Variants in ADAD1 observed in about 807,000 individuals in gnomAD.
ADAD1 encodes the protein adenosine deaminase domain-containing protein 1.
ADAD1 carries 46 observed loss-of-function variants against 66.8 expected under a neutral mutation model. The ratio of observed to expected loss-of-function variants is 0.69; its 90% confidence interval spans 0.54 to 0.88. ADAD1 has a LOEUF of 0.88. ADAD1 is among the 40% of genes least tolerant of loss of function. ADAD1 has a pLI of 0.00. For missense variants in ADAD1, 617 were observed against 681.8 expected, an observed-to-expected ratio of 0.91 and a Z score of 1.06; for synonymous variants, 248 against 229.4, an observed-to-expected ratio of 1.08 and a Z score of -0.73.
chr4:122,421,897 G>GT (rs950833555), intron 12 of ADAD1, among the ~76,000 whole-genome samples: 2 of 151,730 alleles, frequency 1.3e-5, no homozygotes, highest in African/African-American at 4.8e-5. Flanking sequence ...GTAAGTTTAA[G>GT]TCAAAAATTT....
intron 10 of ADAD1, among the ~76,000 whole-genome samples, chr4:122,415,051 A>C (rs1055365638): frequency 6.6e-6 from 1 of 152,150 alleles, no homozygotes; most frequent in Non-Finnish European, 1.5e-5. Context: ...AATGCGGTCA[A>C]CAAATCTGGA....
At chr4:122,379,203 C>G (rs1222990812) in intron 1 of ADAD1, 88 bp downstream of exon 1, 1 of 152,340 alleles carries the variant, frequency 6.6e-6, no homozygotes, top group Non-Finnish European at 1.5e-5. Flanking sequence ...CTACAGTGCT[C>G]TGTCAGGGCT....
At chr4:122,413,511 T>G (rs1266595721) in intron 10 of ADAD1, among the ~76,000 whole-genome samples, 1 of 152,074 alleles carries the variant, frequency 6.6e-6, no homozygotes, top group Non-Finnish European at 1.5e-5. Context: ...ATCTTGCAAA[T>G]TTGGTAACCC....
intron 7 of ADAD1, among the ~76,000 whole-genome samples, chr4:122,403,737 G>T (rs1367393389): frequency 1.3e-5 from 2 of 152,130 alleles, no homozygotes; most frequent in African/African-American, 2.4e-5. Flanking sequence ...AGTGGATGGG[G>T]CTGTAGAGCT....
intron 8 of ADAD1, among the ~76,000 whole-genome samples, chr4:122,409,033 G>A (rs73846647): frequency 0.039 from 5,868 of 152,252 alleles, 367 homozygotes; most frequent in African/African-American, 0.13. Context: ...TCCAAGGACA[G>A]CACCAGAAAC....
intron 12 of ADAD1, among the ~76,000 whole-genome samples, chr4:122,424,486 G>T (rs973939904): frequency 2.0e-5 from 3 of 152,120 alleles, no homozygotes; most frequent in African/African-American, 2.4e-5. Context: ...TAAAGTTGCT[G>T]TTTTACCATA....
intron 12 of ADAD1, among the ~76,000 whole-genome samples, chr4:122,427,247 G>A (rs6854230): frequency 0.25 from 37,716 of 151,558 alleles, 5,680 homozygotes; most frequent in Middle Eastern, 0.52. Flanking sequence ...GTGTACATTT[G>A]TGTGTGTGTG....
chr4:122,411,529 G>C, intron 9 of ADAD1, 137 bp downstream of exon 9: 1 of 825,302 alleles, frequency 1.2e-6, no homozygotes. Context: ...TTTGTGGCCT[G>C]CAGGAGACCC....
Position 122,380,085 on chromosome 4 carries a change from CAT to C in ADAD1, c.17_18del (p.His6LeufsTer53). 1 of 1,612,326 alleles carries C rather than the reference CAT, an allele frequency of 6.2e-7. No individual in the cohort carries two copies. The highest frequency in any genetic ancestry group is 8.5e-7 in the Non-Finnish European group (1 of 1,179,456). On this transcript the variant is annotated frameshift_variant, in exon 3 of 13. Coordinates refer to ENST00000296513, the MANE Select transcript of ADAD1 (RefSeq NM_139243.4). LOFTEE classifies it high-confidence loss of function. MASNN[H>X]WFQSSQVPSF... is the part of the protein sequence containing the mutation. The stretch of plus-strand genomic sequence containing the variant: ...AGGTGAGAAAATGGCTAGCAACAAT[CAT>C]TGGTTTCAGAGTTCGCAGGTCCCCA...
intron 5 of ADAD1, among the ~76,000 whole-genome samples, chr4:122,384,538 T>A (rs1457277506): frequency 6.6e-6 from 1 of 152,182 alleles, no homozygotes; most frequent in African/African-American, 2.4e-5. Context: ...AGATAAACAA[T>A]GCATGCAAAG....
chr4:122,415,436 A>G lies in ADAD1; in HGVS notation c.1307A>G (p.Asp436Gly). The change falls in exon 11 of 13, where the codon GAT (aspartate) becomes GGT (glycine). Residue 436 changes from aspartate to glycine, a missense_variant. Coordinates refer to ENST00000296513, the MANE Select transcript of ADAD1 (RefSeq NM_139243.4). ...GLEIAIKQRVDDALTSKLPMF... is the reference protein window; with the variant it reads ...GLEIAIKQRVGDALTSKLPMF... ...GAAATCGCTATAAAGCAACGTGTTGATGATGCACTCACTTCAAAACTTCCA... is the reference window on the plus strand; with the variant it reads ...GAAATCGCTATAAAGCAACGTGTTGGTGATGCACTCACTTCAAAACTTCCA... 1.9e-6 allele frequency: 3 copies of G among 1,613,904 alleles called. No homozygotes were observed. Among genetic ancestry groups the G allele is most frequent in the South Asian group, 2.2e-5 (2 of 91,074 alleles).
At chr4:122,400,323 T>C (rs112698675) in intron 7 of ADAD1, among the ~76,000 whole-genome samples, 167 of 152,296 alleles carry the variant, frequency 1.1e-3, no homozygotes, top group Non-Finnish European at 1.9e-3. Context: ...ACCTTGCATA[T>C]GTTAAACCAT....
chr4:122,413,354 T>G (rs984914358), intron 10 of ADAD1, among the ~76,000 whole-genome samples: 17 of 152,158 alleles, frequency 1.1e-4, no homozygotes, highest in African/African-American at 4.1e-4. Context: ...TTTTTAAATT[T>G]AAAACATGGG....
intron 5 of ADAD1, among the ~76,000 whole-genome samples, chr4:122,393,160 C>T (rs771829671): frequency 1.3e-5 from 2 of 150,848 alleles, no homozygotes; most frequent in African/African-American, 2.4e-5. Flanking sequence ...TTGAAAACTG[C>T]GAATGTAGCA....
chr4:122,426,374 T>C (rs1042052260), intron 12 of ADAD1, among the ~76,000 whole-genome samples: 3 of 152,282 alleles, frequency 2.0e-5, no homozygotes, highest in Non-Finnish European at 2.9e-5. Context: ...CAGACACATA[T>C]ATGACTTCAC....
intron 5 of ADAD1, among the ~76,000 whole-genome samples, chr4:122,392,127 TAAATC>T (rs1383290543): frequency 6.6e-6 from 1 of 152,244 alleles, no homozygotes; most frequent in Non-Finnish European, 1.5e-5. Flanking sequence ...TCCATGGAAT[TAAATC>T]TATCTGTCTC....
intron 4 of ADAD1, among the ~76,000 whole-genome samples, chr4:122,382,876 A>G (rs1794971776): frequency 6.6e-6 from 1 of 152,218 alleles, no homozygotes; most frequent in East Asian, 1.9e-4. Context: ...TTTACCCAGA[A>G]GCAGTCAGGA....
intron 6 of ADAD1, among the ~76,000 whole-genome samples, chr4:122,395,130 A>C (rs903145268): frequency 5.3e-5 from 8 of 151,996 alleles, no homozygotes. Context: ...AGCTCACTGC[A>C]ACCTCTGCCT....
intron 7 of ADAD1, among the ~76,000 whole-genome samples, chr4:122,399,644 G>A (rs1795877475): frequency 1.3e-5 from 2 of 150,240 alleles, no homozygotes; most frequent in African/African-American, 4.9e-5. Flanking sequence ...GTTTCCATTT[G>A]TTTCTGTCAT....
Sources: allele counts gnomAD v4.1 joint callset (sites outside exome capture counted in the v4.1 genomes callset), GRCh38; gene constraint gnomAD v4.1.1; transcripts MANE v1.5; gene names NCBI Gene and HGNC (gene_info 2026-07-23, HGNC 2026-07-21).